The following SPECC1 variants were observed in gnomAD, a reference collection of about 807,000 sequenced individuals.
The protein encoded by SPECC1 is sperm antigen with calponin homology and coiled-coil domains 1.
Under a neutral mutation model 104.1 loss-of-function variants are expected in SPECC1, and 62 were observed. The observed-to-expected ratio is 0.60, with a 90% confidence interval of 0.49 to 0.74. The LOEUF is 0.74. SPECC1 is among the 30% of genes least tolerant of loss of function. SPECC1 has a pLI of 0.00. For missense variants in SPECC1, 1,306 were observed against 1,310.5 expected (o/e 1.00, Z 0.05); for synonymous variants, 513 against 501.6 (o/e 1.02, Z -0.30).
chr17:20,093,179 G>C (rs1172364724), intron 1 of SPECC1, among the ~76,000 whole-genome samples: 1 of 152,230 alleles, frequency 6.6e-6, no homozygotes, highest in Non-Finnish European at 1.5e-5. Context: ...AGGCTGCATA[G>C]TCTAAGATCA....
At chr17:20,248,988 G>C (rs932171005) in intron 9 of SPECC1, among the ~76,000 whole-genome samples, 1 of 152,066 alleles carries the variant, frequency 6.6e-6, no homozygotes, top group Non-Finnish European at 1.5e-5. Flanking sequence ...ACATGGGTTT[G>C]GATTTAGATA....
intron 3 of SPECC1, among the ~76,000 whole-genome samples, chr17:20,199,232 A>G (rs2036241710): frequency 6.6e-6 from 1 of 151,272 alleles, no homozygotes; most frequent in African/African-American, 2.4e-5. Context: ...AGTTACAGGC[A>G]TGTGCTGTGG....
rs779652845 is a variant in SPECC1, at chr17:20,316,704, T to C, written c.*2639T>C. ...TGTTTTTTTTGTTGTTGTTTGTTTG[T>C]TTTTTTTTTTGAGACAGAGTCTTGC... On this transcript the variant is annotated 3_prime_UTR_variant, in exon 15 of 15. Coordinates refer to ENST00000395527, the MANE Select transcript of SPECC1 (RefSeq NM_001243439.2). 5.8e-3 allele frequency: 76 copies of C among 13,084 alleles called. No individual in the cohort carries two copies. The highest frequency in any genetic ancestry group is 7.0e-3 in the African/African-American group (2 of 284). The allele number at this position is 13,084 out of a possible 1,614,324, so 0.8% of individuals were successfully genotyped here. A position where few individuals can be genotyped will look rare whatever the true frequency, so the allele number is the denominator to read the frequency against.
intron 1 of SPECC1, among the ~76,000 whole-genome samples, chr17:20,023,152 T>A (rs1057041133): frequency 2.0e-5 from 3 of 152,184 alleles, no homozygotes; most frequent in South Asian, 2.1e-4. Context: ...GGCCGTGTGT[T>A]CCCTTGGAAC....
At chr17:20,243,819 G>A (rs890198837) in intron 7 of SPECC1, among the ~76,000 whole-genome samples, 8 of 152,158 alleles carry the variant, frequency 5.3e-5, no homozygotes, top group African/African-American at 1.4e-4. Context: ...GAATGTAGGC[G>A]TCTCCATTTT....
rs555332939 is a variant in SPECC1, at chr17:20,203,464, A to G, written c.284-869A>G. On this transcript the variant is annotated intron_variant, in intron 3 of 14. Transcript: ENST00000395527. Reference sequence around the variant, plus strand: ...TTTACACCTTACATTTGCTGTTACAAGTATTCTGTATTATGTCTATATCAT... The same window carrying G: ...TTTACACCTTACATTTGCTGTTACAGGTATTCTGTATTATGTCTATATCAT... 9.7e-4 allele frequency among the ~76,000 whole-genome samples: 148 copies of G among 152,350 alleles called. 1 individual carries two copies. Among genetic ancestry groups the G allele is most frequent in the Non-Finnish European group, 1.8e-3 (124 of 68,024 alleles).
chr17:20,162,384 G>A (rs1162155581), intron 3 of SPECC1, among the ~76,000 whole-genome samples: 1 of 151,890 alleles, frequency 6.6e-6, no homozygotes, highest in Non-Finnish European at 1.5e-5. Flanking sequence ...CTGACATTGT[G>A]ATCCGCCCAC....
chr17:20,197,505 A>T (rs974654865), intron 3 of SPECC1, among the ~76,000 whole-genome samples: 4 of 122,346 alleles, frequency 3.3e-5, no homozygotes, highest in African/African-American at 1.1e-4. Context: ...AGCACGGGAC[A>T]GTCTCTGTTT....
intron 3 of SPECC1, among the ~76,000 whole-genome samples, chr17:20,165,964 G>T (rs1364435204): frequency 6.6e-6 from 1 of 151,862 alleles, no homozygotes; most frequent in African/African-American, 2.4e-5. Flanking sequence ...TGGATAGCTT[G>T]CAAAAATGTT....
chr17:20,205,650 C>T lies in SPECC1; in HGVS notation c.1601C>T (p.Ala534Val), dbSNP rs781356902. The change falls in exon 4 of 15, where the codon GCC (alanine) becomes GTC (valine). Residue 534 changes from alanine to valine, a missense_variant. Coordinates refer to ENST00000395527, the MANE Select transcript of SPECC1 (RefSeq NM_001243439.2). The part of the protein sequence containing the change: ...ELERHNNNMM[A>V]KTLEECRVTL... ...GAACGGCATAATAATAACATGATGG[C>T]CAAAACTTTGGAAGAGTGTAGAGTT... The T allele has an allele frequency of 2.5e-6, 4 of 1,614,074 alleles. No homozygotes were observed. The highest frequency in any genetic ancestry group is 3.4e-6 in the Non-Finnish European group (4 of 1,180,012).
At chr17:20,112,129 A>G in intron 3 of SPECC1, 1 of 763,730 alleles carries the variant, frequency 1.3e-6, no homozygotes, top group Non-Finnish European at 2.4e-6. Flanking sequence ...CTTTACAACC[A>G]CACAGAGCAC....
chr17:20,213,578 C>A (rs1233237792), intron 4 of SPECC1, among the ~76,000 whole-genome samples: 1 of 152,192 alleles, frequency 6.6e-6, no homozygotes, highest in Non-Finnish European at 1.5e-5. Flanking sequence ...GATTGTAATA[C>A]AATGGAGAAA....
intron 1 of SPECC1, among the ~76,000 whole-genome samples, chr17:20,038,271 C>T (rs933480634): frequency 4.7e-5 from 7 of 148,514 alleles, no homozygotes; most frequent in African/African-American, 1.7e-4. Context: ...TTTTGCTCTT[C>T]ATCTTCTGTG....
intron 12 of SPECC1, among the ~76,000 whole-genome samples, chr17:20,266,051 A>C (rs2040204920): frequency 6.6e-6 from 1 of 152,224 alleles, no homozygotes; most frequent in Admixed American, 6.5e-5. Context: ...TGCTTTGGCT[A>C]TTCAGACTCT....
intron 4 of SPECC1, among the ~76,000 whole-genome samples, chr17:20,224,681 T>C (rs1273003981): frequency 6.6e-6 from 1 of 152,206 alleles, no homozygotes; most frequent in Non-Finnish European, 1.5e-5. Context: ...AAGTTCTCTT[T>C]AGTCAGCAGG....
intron 3 of SPECC1, among the ~76,000 whole-genome samples, chr17:20,187,916 G>A (rs536045481): frequency 1.3e-5 from 2 of 152,326 alleles, no homozygotes; most frequent in South Asian, 4.1e-4. Context: ...ACATTCAGAT[G>A]TCACGTGGAA....
intron 3 of SPECC1, among the ~76,000 whole-genome samples, chr17:20,158,683 G>A (rs2032837765): frequency 6.6e-6 from 1 of 152,234 alleles, no homozygotes; most frequent in Non-Finnish European, 1.5e-5. Context: ...ACAAGTCTTG[G>A]GATCCTCGTG....
chr17:20,211,424 G>T (rs1172847079), intron 4 of SPECC1, among the ~76,000 whole-genome samples: 2 of 152,316 alleles, frequency 1.3e-5, no homozygotes, highest in East Asian at 3.9e-4. Flanking sequence ...GGCTGTTGGG[G>T]AGAGCCCCAC....
chr17:20,228,276 T>G (rs1486455988), intron 5 of SPECC1, among the ~76,000 whole-genome samples: 4 of 152,276 alleles, frequency 2.6e-5, no homozygotes, highest in Non-Finnish European at 4.4e-5. Flanking sequence ...CACTGCAGCC[T>G]CAAACTCCTG....
Sources: allele counts gnomAD v4.1 joint callset (sites outside exome capture counted in the v4.1 genomes callset), GRCh38; gene constraint gnomAD v4.1.1; transcripts MANE v1.5; gene names NCBI Gene and HGNC (gene_info 2026-07-23, HGNC 2026-07-21).